Variants in CADM2 observed in about 807,000 individuals in gnomAD.
The protein encoded by CADM2 is immunoglobulin superfamily member 4D.
A neutral mutation model predicts 49.8 loss-of-function variants in CADM2; 12 were observed. The observed-to-expected ratio is 0.24, with a 90% CI of 0.15 to 0.39. The LOEUF is 0.39. Ranked by LOEUF, CADM2 falls within the 10% of genes least tolerant of loss-of-function variation. The pLI, the probability that CADM2 is intolerant of heterozygous loss-of-function variation, is 1.00. For missense variants in CADM2, 378 were observed against 492.3 expected, an observed-to-expected ratio of 0.77 and a Z score of 2.20; for synonymous variants, 214 against 175.4, an observed-to-expected ratio of 1.22 and a Z score of -1.74.
At chr3:86,001,056 A>G (rs1730137155) in intron 8 of CADM2, among the ~76,000 whole-genome samples, 1 of 152,184 alleles carries the variant, frequency 6.6e-6, no homozygotes, top group Non-Finnish European at 1.5e-5. Flanking sequence ...GAAAGGTACA[A>G]TGATTAATAT....
intron 3 of CADM2, among the ~76,000 whole-genome samples, chr3:85,843,895 T>TGG (rs200286096): frequency 2.6e-4 from 40 of 151,198 alleles, no homozygotes; most frequent in African/African-American, 9.3e-4. Context: ...TGTATGTGTG[T>TGG]GTGGGGGGGG....
chr3:85,694,475 C>T (rs2066489354), intron 1 of CADM2, among the ~76,000 whole-genome samples: 1 of 152,124 alleles, frequency 6.6e-6, no homozygotes, highest in African/African-American at 2.4e-5. Flanking sequence ...CTTCCAGACT[C>T]CAGAACTATG....
chr3:85,392,144 A>G (rs1161427973), intron 1 of CADM2, among the ~76,000 whole-genome samples: 1 of 152,142 alleles, frequency 6.6e-6, no homozygotes, highest in African/African-American at 2.4e-5. Context: ...TTGAAATTAC[A>G]TTTCTAAATA....
chr3:85,836,060 G>A (rs966085940), intron 3 of CADM2, among the ~76,000 whole-genome samples: 11 of 151,352 alleles, frequency 7.3e-5, no homozygotes, highest in Admixed American at 1.3e-4. Flanking sequence ...TTGAAAAAGC[G>A]TTTTAGTTTT....
chr3:85,140,296 C>T (rs1035503203), intron 1 of CADM2, among the ~76,000 whole-genome samples: 3 of 152,082 alleles, frequency 2.0e-5, no homozygotes, highest in African/African-American at 7.2e-5. Context: ...AAATTAAATT[C>T]TTTCTTAACA....
chr3:85,185,676 C>T (rs1013365012), intron 1 of CADM2, among the ~76,000 whole-genome samples: 2 of 152,076 alleles, frequency 1.3e-5, no homozygotes, highest in Non-Finnish European at 2.9e-5. Context: ...ATTCTTGATT[C>T]TGTATGATGG....
intron 1 of CADM2, among the ~76,000 whole-genome samples, chr3:85,661,102 A>G (rs1314337057): frequency 6.6e-6 from 1 of 152,106 alleles, no homozygotes; most frequent in Non-Finnish European, 1.5e-5. Flanking sequence ...TGGGTTATTC[A>G]TCCTCCCCTT....
At chr3:85,110,482 G>T (rs1164837635) in intron 1 of CADM2, among the ~76,000 whole-genome samples, 2 of 151,628 alleles carry the variant, frequency 1.3e-5, no homozygotes, top group Non-Finnish European at 3.0e-5. Context: ...GTGAAGAGAA[G>T]GGGAAAACAA....
chr3:85,560,330 T>C (rs1329543507), intron 1 of CADM2, among the ~76,000 whole-genome samples: 1 of 152,186 alleles, frequency 6.6e-6, no homozygotes, highest in Non-Finnish European at 1.5e-5. Flanking sequence ...CACTTTGTGT[T>C]AAAACCATTA....
intron 1 of CADM2, among the ~76,000 whole-genome samples, chr3:85,256,022 C>T (rs183591937): frequency 7.2e-5 from 11 of 152,056 alleles, no homozygotes; most frequent in East Asian, 1.9e-4. Context: ...AGAATCAATA[C>T]GCATCATCAT....
chr3:85,833,278 T>TTTGTTG (rs57879763), intron 3 of CADM2, among the ~76,000 whole-genome samples: 42 of 151,058 alleles, frequency 2.8e-4, no homozygotes, highest in Middle Eastern at 6.8e-3. Context: ...TGCAGTTTTC[T>TTTGTTG]TTGTTGTTGT....
chr3:85,000,076 T>G (rs1219506185), intron 1 of CADM2, among the ~76,000 whole-genome samples: 2 of 151,858 alleles, frequency 1.3e-5, no homozygotes, highest in Non-Finnish European at 2.9e-5. Context: ...ATATTACTAC[T>G]TTGGCTGTTT....
At chr3:85,137,854 A>G (rs2039462640) in intron 1 of CADM2, among the ~76,000 whole-genome samples, 1 of 152,116 alleles carries the variant, frequency 6.6e-6, no homozygotes, top group Non-Finnish European at 1.5e-5. Context: ...AACGTTTCTG[A>G]ATATTTGGAA....
intron 8 of CADM2, among the ~76,000 whole-genome samples, chr3:86,050,368 TG>T (rs530457251): frequency 8.5e-5 from 13 of 152,284 alleles, no homozygotes; most frequent in African/African-American, 3.1e-4. Context: ...GCTGCTCTTA[TG>T]GGCTGGTGTT....
At chr3:85,448,227 G>A (rs2107560326) in intron 1 of CADM2, among the ~76,000 whole-genome samples, 1 of 151,698 alleles carries the variant, frequency 6.6e-6, no homozygotes, top group East Asian at 2.0e-4. Flanking sequence ...CAACTACTGG[G>A]GAGGCTGAGG....
At chr3:85,645,783 C>T (rs2064865259) in intron 1 of CADM2, among the ~76,000 whole-genome samples, 1 of 142,676 alleles carries the variant, frequency 7.0e-6, no homozygotes, top group African/African-American at 2.5e-5. Context: ...TGCCCATTGG[C>T]CTAAAAATAT....
At chr3:85,705,670 G>A (rs2066921310) in intron 1 of CADM2, among the ~76,000 whole-genome samples, 1 of 152,144 alleles carries the variant, frequency 6.6e-6, no homozygotes, top group Admixed American at 6.5e-5. Context: ...AACTCCACAT[G>A]CTGGGACATT....
chr3:85,422,181 C>T (rs373852461), intron 1 of CADM2, among the ~76,000 whole-genome samples: 5 of 150,846 alleles, frequency 3.3e-5, no homozygotes, highest in South Asian at 2.1e-4. Flanking sequence ...TAATAACAGT[C>T]GTTAATATTT....
intron 8 of CADM2, among the ~76,000 whole-genome samples, chr3:85,964,109 C>T (rs1272746015): frequency 6.6e-6 from 1 of 151,786 alleles, no homozygotes; most frequent in East Asian, 1.9e-4. Context: ...AAGCTACTCT[C>T]TTCTTTTAAT....
Sources: gnomAD v4.1 joint callset for allele counts (sites outside exome capture counted in the v4.1 genomes callset) on GRCh38, gnomAD v4.1.1 for gene constraint, MANE v1.5 for transcripts, NCBI Gene and HGNC (gene_info 2026-07-23, HGNC 2026-07-21) for gene names.